C1QTNF7: variants seen among roughly 807,000 people sequenced by gnomAD.
C1QTNF7 encodes C1q and TNF related 7.
In C1QTNF7, 15 loss-of-function variants were observed where a neutral mutation model predicts 19.6. The observed-to-expected ratio is 0.76, with a 90% CI of 0.51 to 1.18. The LOEUF (loss-of-function observed/expected upper bound fraction) is 1.18, where lower values mean the gene tolerates loss of function less well. Among genes scored for constraint, C1QTNF7 ranks in the 50% most tolerant of loss-of-function variants. C1QTNF7 has a pLI of 0.00. For missense variants in C1QTNF7, 324 were observed against 359.7 expected (o/e 0.90, Z 0.80); for synonymous variants, 142 against 137.5 (o/e 1.03, Z -0.23).
Position 15,420,826 on chromosome 4 carries a change from C to CTTTTCT in C1QTNF7, c.14-14906_14-14905insCTTTTT, listed in dbSNP as rs1711714352. 3.0e-5 allele frequency among the ~76,000 whole-genome samples: 2 copies of CTTTTCT among 66,242 alleles called. 1 individual carries two copies. The highest frequency in any genetic ancestry group is 5.2e-5 in the Non-Finnish European group (2 of 38,152). 43.5% of individuals were successfully genotyped at this position (66,242 alleles called of 152,430 possible). A position where few individuals can be genotyped will look rare whatever the true frequency, so the allele number is the denominator to read the frequency against. On this transcript the variant is annotated intron_variant, in intron 1 of 2. Transcript: ENST00000295297. ...CTAGGGTAACATTCCACTGCTTTGT[C>CTTTTCT]TTTTTTTTTTTTTTTTTTTTTTTTT...
Position 15,444,210 on chromosome 4 carries a change from T to C in C1QTNF7, c.*1411T>C, listed in dbSNP as rs1160245696. 2 of 152,246 alleles carry C rather than the reference T, an allele frequency of 1.3e-5. No individual in the cohort carries two copies. Among genetic ancestry groups the C allele is most frequent in the Admixed American group, 1.3e-4 (2 of 15,286 alleles). 9.4% of individuals were successfully genotyped at this position (152,246 alleles called of 1,614,324 possible). A position where few individuals can be genotyped will look rare whatever the true frequency, so the allele number is the denominator to read the frequency against. Reference sequence around the variant, plus strand: ...TTATAAATAGTTTTCATACCTCTTATGTTTGAATCACCATGCTAGATTCTG... The same window carrying C: ...TTATAAATAGTTTTCATACCTCTTACGTTTGAATCACCATGCTAGATTCTG... On this transcript the variant is annotated 3_prime_UTR_variant, in exon 3 of 3. Coordinates refer to ENST00000444304, the MANE Select transcript of C1QTNF7 (RefSeq NM_031911.5).
intron 1 of C1QTNF7, among the ~76,000 whole-genome samples, chr4:15,362,193 CA>C (rs901579067): frequency 1.6e-4 from 24 of 152,300 alleles, no homozygotes; most frequent in African/African-American, 5.3e-4. Flanking sequence ...AGCCACACAG[CA>C]AAATGTCTAC....
chr4:15,437,432 T>C (rs1712582197), intron 2 of C1QTNF7, among the ~76,000 whole-genome samples: 2 of 152,162 alleles, frequency 1.3e-5, no homozygotes, highest in Admixed American at 6.6e-5. Context: ...CAGTAAATGT[T>C]ATAACTTATT....
intron 2 of C1QTNF7, among the ~76,000 whole-genome samples, chr4:15,441,487 G>GT (rs1298636944): frequency 2.0e-5 from 3 of 152,100 alleles, no homozygotes; most frequent in Non-Finnish European, 4.4e-5. Context: ...GATTTGCCTG[G>GT]TTCTGTCTGC....
chr4:15,424,577 G>A (rs1711951291), upstream of C1QTNF7, among the ~76,000 whole-genome samples: 1 of 152,132 alleles, frequency 6.6e-6, no homozygotes, highest in South Asian at 2.1e-4. Flanking sequence ...CTTGGCTCAG[G>A]AAGTCCCATC....
chr4:15,368,726 T>TTGTG (rs1376815603), intron 1 of C1QTNF7, among the ~76,000 whole-genome samples: 1 of 152,232 alleles, frequency 6.6e-6, no homozygotes, highest in Non-Finnish European at 1.5e-5. Context: ...GTCTTTGCTA[T>TTGTG]TGTGAATAGT....
At chr4:15,349,950 G>T (rs77603998) in intron 1 of C1QTNF7, among the ~76,000 whole-genome samples, 1 of 151,608 alleles carries the variant, frequency 6.6e-6, no homozygotes, top group Admixed American at 6.6e-5. Flanking sequence ...TAATCAGAAA[G>T]CTCACTGAAT....
At chr4:15,374,641 T>A in intron 1 of C1QTNF7, 1 of 985,296 alleles carries the variant, frequency 1.0e-6, no homozygotes, top group Non-Finnish European at 1.2e-6. Flanking sequence ...AAATTACTTA[T>A]CAATCTGAAG....
intron 1 of C1QTNF7, among the ~76,000 whole-genome samples, chr4:15,369,000 GA>G (rs1343510280): frequency 1.3e-5 from 2 of 152,188 alleles, no homozygotes; most frequent in South Asian, 2.1e-4. Flanking sequence ...ATGTAAAAAA[GA>G]AAAAAATTGA....
intron 1 of C1QTNF7, among the ~76,000 whole-genome samples, chr4:15,378,155 A>AATTCTTT (rs1718010188): frequency 2.6e-5 from 4 of 152,230 alleles, no homozygotes; most frequent in Non-Finnish European, 5.9e-5. Context: ...TAACATGGTC[A>AATTCTTT]AGGACCACCT....
chr4:15,374,294 A>C (rs4408956), intron 1 of C1QTNF7: 37,598 of 152,366 alleles, frequency 0.25, 7,760 homozygotes, highest in African/African-American at 0.56. Context: ...GTAGCTGATA[A>C]GAAAGAAATT....
In C1QTNF7 at chr4:15,432,486, C is replaced by A. The variant is rs187124453; in HGVS notation, c.-8-3250C>A. On this transcript the variant is annotated intron_variant, in intron 1 of 2. Transcript: ENST00000444304. ...TCTCTGCTCACTGCAACTTCCACCT[C>A]CAGGGTTCAAGTGATTCTCCTGCCT... Among the ~76,000 whole-genome samples, 108 of 152,338 alleles carry A rather than the reference C, an allele frequency of 7.1e-4. 1 individual carries two copies. Among genetic ancestry groups the A allele is most frequent in the South Asian group, 1.9e-3 (9 of 4,822 alleles).
intron 1 of C1QTNF7, among the ~76,000 whole-genome samples, chr4:15,420,620 T>G (rs776675680): frequency 1.6e-4 from 24 of 152,104 alleles, no homozygotes; most frequent in Non-Finnish European, 3.5e-4. Flanking sequence ...AAATTTCAAT[T>G]TATAGAAGAG....
chr4:15,437,478 T>G (rs1217170044), intron 2 of C1QTNF7, among the ~76,000 whole-genome samples: 4 of 152,176 alleles, frequency 2.6e-5, no homozygotes, highest in Admixed American at 2.6e-4. Flanking sequence ...ACAGCTAAAT[T>G]TGTGACTAGC....
intron 1 of C1QTNF7, among the ~76,000 whole-genome samples, chr4:15,387,664 T>G (rs1409917046): frequency 6.6e-6 from 1 of 152,010 alleles, no homozygotes; most frequent in East Asian, 1.9e-4. Flanking sequence ...AGAGAGTGAA[T>G]AGAAATCCTT....
chr4:15,421,365 C>T (rs1319556614), intron 1 of C1QTNF7, among the ~76,000 whole-genome samples: 3 of 152,024 alleles, frequency 2.0e-5, no homozygotes. Flanking sequence ...CTCTGGCCTT[C>T]GGATGGTTTT....
chr4:15,374,654 C>T (rs1405784058), intron 1 of C1QTNF7: 1 of 985,132 alleles, frequency 1.0e-6, no homozygotes, highest in Non-Finnish European at 1.2e-6. Context: ...ATCTGAAGCC[C>T]CAAAGAATTA....
chr4:15,394,419 C>A (rs764669338), intron 1 of C1QTNF7, among the ~76,000 whole-genome samples: 1 of 152,224 alleles, frequency 6.6e-6, no homozygotes, highest in Non-Finnish European at 1.5e-5. Context: ...GAAAGGTATT[C>A]ACCACATATT....
At chr4:15,412,710 C>A (rs139216606) in intron 1 of C1QTNF7, among the ~76,000 whole-genome samples, 55 of 152,260 alleles carry the variant, frequency 3.6e-4, no homozygotes, top group African/African-American at 1.3e-3. Flanking sequence ...GAGGCTATTG[C>A]GCAGCTCACC....
Sources: gnomAD v4.1 joint callset for allele counts (sites outside exome capture counted in the v4.1 genomes callset) on GRCh38, gnomAD v4.1.1 for gene constraint, MANE v1.5 for transcripts, NCBI Gene and HGNC (gene_info 2026-07-23, HGNC 2026-07-21) for gene names.